POLQ: variants seen among roughly 807,000 people sequenced by gnomAD.
POLQ encodes the protein DNA polymerase theta.
POLQ carries 233 observed loss-of-function variants against 259.2 expected under a neutral mutation model. That is an observed-to-expected ratio of 0.90 (90% CI 0.81 to 1.00). POLQ has a LOEUF of 1.00. POLQ is among the 50% of genes least tolerant of loss of function. The pLI is 0.00. For missense variants in POLQ, 2,871 were observed against 3,051.6 expected, an observed-to-expected ratio of 0.94 and a Z score of 1.39; for synonymous variants, 1,025 against 1,048.8, an observed-to-expected ratio of 0.98 and a Z score of 0.44.
chr3:121,540,078 A>C (rs1053521136), intron 3 of POLQ, among the ~76,000 whole-genome samples: 1 of 151,846 alleles, frequency 6.6e-6, no homozygotes, highest in Non-Finnish European at 1.5e-5. Flanking sequence ...TTTTAGTTTA[A>C]CTTTTAACTA....
In POLQ at chr3:121,489,903, T is replaced by C. The variant is rs758600640; in HGVS notation, c.3028A>G (p.Thr1010Ala). 1.6e-4 allele frequency: 258 copies of C among 1,595,630 alleles called. No individual in the cohort carries two copies. The highest frequency in any genetic ancestry group is 2.1e-4 in the Non-Finnish European group (249 of 1,175,496). ...KPGASQNEGK[T>A]SDKKVVQTFS... ...GTCTGAACAACTTTCTTATCACTTG[T>C]TTTCCCCTCATTCTGAGAGGCTCCT... Residue 1010 changes from threonine (T) to alanine (A), a missense_variant, in exon 16 of 30, where the codon ACA (threonine) becomes GCA (alanine). Thr to Ala is a moderately conservative substitution (Grantham distance 58). Coordinates refer to ENST00000264233, the MANE Select transcript of POLQ (RefSeq NM_199420.4).
Position 121,511,262 on chromosome 3 carries a change from G to A in POLQ, c.1611+625C>T, listed in dbSNP as rs1444167451. ...AAAAAAAAAAAATTAACTGGGTGTG[G>A]TGGCAGGCACCTGTAGTCCCAGCTA... On this transcript the variant is annotated intron_variant, in intron 10 of 29. Transcript: ENST00000264233. Among the ~76,000 whole-genome samples, 11 of 150,758 alleles carry A rather than the reference G, an allele frequency of 7.3e-5. No homozygotes were observed. The East Asian group carries it at 2.1e-3, about 29-fold the overall frequency.
chr3:121,485,103 G>T lies in POLQ; in HGVS notation c.5711C>A (p.Ala1904Glu). ...GCDDTLVVGL[A>E]VCWGGRDAYY... Reference sequence around the variant, plus strand: ...GGCATCCCTTCCACCCCAGCATACTGCCAGTCCAACCACCAAGGTGTCATC... The same window carrying T: ...GGCATCCCTTCCACCCCAGCATACTTCCAGTCCAACCACCAAGGTGTCATC... Residue 1904 changes from alanine to glutamate, a missense_variant, in exon 17 of 30, where the codon GCA becomes GAA. This residue lies in a region of POLQ where 2,080 missense variants were observed against 2,126.0 expected (regional missense o/e 0.98). Transcript: ENST00000264233. 2 of 1,612,308 alleles carry T rather than the reference G, an allele frequency of 1.2e-6. No individual in the cohort carries two copies. Among genetic ancestry groups the T allele is most frequent in the Non-Finnish European group, 1.7e-6 (2 of 1,178,728 alleles).
At chr3:121,528,962 A>G (rs2048391661) in intron 7 of POLQ, among the ~76,000 whole-genome samples, 1 of 152,144 alleles carries the variant, frequency 6.6e-6, no homozygotes, top group Non-Finnish European at 1.5e-5. Flanking sequence ...AAAAAATAAT[A>G]ATAAATAAAT....
At chr3:121,519,675 CAA>C (rs959037678) in intron 9 of POLQ, among the ~76,000 whole-genome samples, 194 bp downstream of exon 9, 4 of 59,810 alleles carry the variant, frequency 6.7e-5, no homozygotes, top group African/African-American at 1.8e-4. Flanking sequence ...GACTCCGTCT[CAA>C]AAAAAAAAAA....
At chr3:121,495,670 C>G (rs1250722446) in intron 14 of POLQ, among the ~76,000 whole-genome samples, 1 of 117,876 alleles carries the variant, frequency 8.5e-6, no homozygotes, top group African/African-American at 3.3e-5. Flanking sequence ...CAGTGGAACC[C>G]CATCTCCACT....
At chr3:121,444,888 G>A (rs1228476811) in intron 26 of POLQ, among the ~76,000 whole-genome samples, 2 of 152,170 alleles carry the variant, frequency 1.3e-5, no homozygotes, top group African/African-American at 4.8e-5. Flanking sequence ...CTGTTGATAT[G>A]ATGTATCACA....
Position 121,512,031 on chromosome 3 carries a change from T to A in POLQ, c.1469-2A>T, listed in dbSNP as rs770549736. The A allele has an allele frequency of 1.9e-5, 31 of 1,609,952 alleles. No individual in the cohort carries two copies. The highest frequency in any genetic ancestry group is 2.6e-5 in the Non-Finnish European group (31 of 1,178,332). ...TCTTACAAATTAAGATACTCTCGCCTATAACCAAAAGATACACATTTGCAA... is the reference window on the plus strand; with the variant it reads ...TCTTACAAATTAAGATACTCTCGCCAATAACCAAAAGATACACATTTGCAA... On this transcript the variant is annotated splice_acceptor_variant, in intron 9 of 29. Coordinates refer to ENST00000264233, the MANE Select transcript of POLQ (RefSeq NM_199420.4). LOFTEE classifies it high-confidence loss of function.
intron 7 of POLQ, 70 bp downstream of exon 7, chr3:121,529,573 AAT>A: frequency 7.2e-7 from 1 of 1,398,102 alleles, no homozygotes; most frequent in Non-Finnish European, 1.0e-6. Flanking sequence ...TGTTTTTGCT[AAT>A]ATAATCACTA....
At position 121,509,559 on chromosome 3, in the gene POLQ, A is replaced by C. The variant is rs778769211; in HGVS notation, c.1959+2T>G. On this transcript the variant is annotated splice_donor_variant, in intron 12 of 29. Transcript: ENST00000264233. LOFTEE classifies it high-confidence loss of function. The stretch of plus-strand genomic sequence containing the variant: ...AAACATAATTGTTAAAACAGAACTT[A>C]CCAGATAGAGAATATGAAGATCATT... 6.2e-6 allele frequency: 10 copies of C among 1,609,048 alleles called. No individual in the cohort carries two copies. The highest frequency in any genetic ancestry group is 5.1e-5 in the Admixed American group (3 of 58,998).
chr3:121,485,346 C>T (rs916574882), intron 16 of POLQ, among the ~76,000 whole-genome samples, 162 bp from the exon 17 acceptor site: 1 of 152,126 alleles, frequency 6.6e-6, no homozygotes, highest in Non-Finnish European at 1.5e-5. Flanking sequence ...AAGATCTTTC[C>T]AGGCTTCCCA....
chr3:121,518,568 A>G (rs2048314724), intron 9 of POLQ, among the ~76,000 whole-genome samples: 2 of 152,208 alleles, frequency 1.3e-5, no homozygotes, highest in Non-Finnish European at 2.9e-5. Context: ...AAATTCAAAT[A>G]TGGAATCCAT....
intron 26 of POLQ, among the ~76,000 whole-genome samples, chr3:121,445,650 G>T (rs751911014): frequency 2.0e-5 from 3 of 152,022 alleles, no homozygotes; most frequent in Non-Finnish European, 4.4e-5. Flanking sequence ...ATCACTTGAG[G>T]CCAGGAGTTC....
At chr3:121,446,697 A>AAT (rs2047635120) in intron 26 of POLQ, among the ~76,000 whole-genome samples, 1 of 152,196 alleles carries the variant, frequency 6.6e-6, no homozygotes, top group Admixed American at 6.5e-5. Context: ...GACATTATAT[A>AAT]ATGACCTTCT....
rs758244706 is a variant in POLQ, at chr3:121,487,788, C to G, written c.5143G>C (p.Asp1715His). The G allele has an allele frequency of 6.2e-7, 1 of 1,610,528 alleles. No individual in the cohort carries two copies. Among genetic ancestry groups the G allele is most frequent in the Admixed American group, 1.7e-5 (1 of 59,494 alleles). ...IEMLENNANH[D>H]ETSSLLPRKE... ...CGAGGTAAGAGGGATGAGGTTTCAT[C>G]ATGATTGGCATTGTTTTCTAGCATC... Residue 1715 changes from aspartate to histidine, a missense_variant, in exon 16 of 30, where the codon GAT becomes CAT. Coordinates refer to ENST00000264233, the MANE Select transcript of POLQ (RefSeq NM_199420.4).
intron 25 of POLQ, among the ~76,000 whole-genome samples, chr3:121,451,085 A>G (rs1162707850): frequency 1.3e-5 from 2 of 152,192 alleles, no homozygotes; most frequent in African/African-American, 4.8e-5. Context: ...CGAATTGGCT[A>G]CTGAAGCTTG....
Position 121,472,102 on chromosome 3 carries a change from T to C in POLQ, c.6606A>G (p.Arg2202=), listed in dbSNP as rs1199281357. ...CCACTTTGGTAATAGCATTAGTGAT[T>C]CTTCTCCATTCTAATATCAAGCCTG... ...PLPGLILEWR[R]ITNAITKVVF... Residue 2202 remains arginine, a synonymous_variant, in exon 22 of 30, where the codon AGA becomes AGG. Coordinates refer to ENST00000264233, the MANE Select transcript of POLQ (RefSeq NM_199420.4). 4 of 1,577,114 alleles carry C rather than the reference T, an allele frequency of 2.5e-6. No individual in the cohort carries two copies. Among genetic ancestry groups the C allele is most frequent in the Non-Finnish European group, 2.6e-6 (3 of 1,150,464 alleles).
At chr3:121,483,677 AG>A in intron 17 of POLQ, 95 bp from the exon 18 acceptor site, 4 of 891,448 alleles carry the variant, frequency 4.5e-6, no homozygotes, top group Non-Finnish European at 6.6e-6. Context: ...AGACTGAAAA[AG>A]ACTCAGAAGG....
intron 12 of POLQ, among the ~76,000 whole-genome samples, chr3:121,502,539 T>C (rs1274144879): frequency 1.3e-5 from 2 of 152,036 alleles, no homozygotes; most frequent in South Asian, 4.2e-4. Flanking sequence ...GTCCATAACA[T>C]ATAAAATTCA....
Sources: gnomAD v4.1 joint callset for allele counts (sites outside exome capture counted in the v4.1 genomes callset) on GRCh38, gnomAD v4.1.1 for gene constraint, gnomAD v4.1.1 regional missense constraint, MANE v1.5 for transcripts, NCBI Gene and HGNC (gene_info 2026-07-23, HGNC 2026-07-21) for gene names.